Variants in PCCA observed in about 807,000 individuals in gnomAD.
PCCA encodes propionyl-CoA carboxylase alpha chain, mitochondrial.
In PCCA, 74 loss-of-function variants were observed where a neutral mutation model predicts 101.3. The ratio of observed to expected loss-of-function variants is 0.73; its 90% CI spans 0.61 to 0.89. PCCA has a LOEUF of 0.89. Among genes scored for constraint, PCCA ranks in the 40% least tolerant of loss-of-function variants. The probability of loss-of-function intolerance (pLI) is 0.00; values close to 1 mark genes in which losing one functional copy is unlikely to be tolerated. For missense variants in PCCA, 891 were observed against 907.0 expected (o/e 0.98, Z 0.23); for synonymous variants, 294 against 313.6 (o/e 0.94, Z 0.66).
At chr13:100,223,519 C>T (rs546104338) in intron 7 of PCCA, among the ~76,000 whole-genome samples, 5 of 152,170 alleles carry the variant, frequency 3.3e-5, no homozygotes, top group South Asian at 4.2e-4. Context: ...TCCAGACCTT[C>T]GCGGTGAGCG....
chr13:100,141,412 T>C (rs997450345), intron 4 of PCCA, among the ~76,000 whole-genome samples: 2 of 152,126 alleles, frequency 1.3e-5, no homozygotes, highest in Non-Finnish European at 2.9e-5. Context: ...TATTTATTTA[T>C]GTATTTATTT....
chr13:100,112,202 G>A (rs886080691), intron 4 of PCCA, 141 bp downstream of exon 4: 12 of 656,148 alleles, frequency 1.8e-5, no homozygotes, highest in Admixed American at 1.0e-4. Flanking sequence ...GTTGTGTTAA[G>A]CAAAACGACA....
intron 21 of PCCA, 67 bp downstream of exon 21, chr13:100,449,372 A>T: frequency 1.0e-6 from 1 of 953,162 alleles, no homozygotes; most frequent in East Asian, 2.7e-5. Flanking sequence ...GTTGTAGCTC[A>T]TGTGTTTGAA....
At chr13:100,500,685 C>G (rs568624064) in intron 21 of PCCA, among the ~76,000 whole-genome samples, 3 of 152,118 alleles carry the variant, frequency 2.0e-5, no homozygotes, top group Admixed American at 6.5e-5. Context: ...TTAACGAGTT[C>G]CTTTCCTAAT....
At chr13:100,107,743 A>C (rs943152193) in intron 2 of PCCA, among the ~76,000 whole-genome samples, 10 of 152,180 alleles carry the variant, frequency 6.6e-5, no homozygotes, top group African/African-American at 2.2e-4. Flanking sequence ...TATTATCAGA[A>C]CTGACTTCGT....
intron 21 of PCCA, among the ~76,000 whole-genome samples, chr13:100,458,836 T>G (rs2081982104): frequency 6.6e-6 from 1 of 152,180 alleles, no homozygotes; most frequent in South Asian, 2.1e-4. Context: ...ATCCGTTTTA[T>G]TACTCTGCCA....
chr13:100,266,389 T>A (rs1342710672), intron 10 of PCCA, among the ~76,000 whole-genome samples: 1 of 152,236 alleles, frequency 6.6e-6, no homozygotes, highest in African/African-American at 2.4e-5. Flanking sequence ...TTTTTAAACA[T>A]AAGTGAAAAT....
chr13:100,099,415 T>TCACGCCATTCTCCCGCCTC (rs2047072686), intron 1 of PCCA, among the ~76,000 whole-genome samples: 1 of 151,460 alleles, frequency 6.6e-6, no homozygotes, highest in African/African-American at 2.4e-5. Context: ...CCTCCCGGGT[T>TCACGCCATTCTCCCGCCTC]CACGCCATTC....
At chr13:100,406,432 C>T (rs186366134) in intron 19 of PCCA, among the ~76,000 whole-genome samples, 2 of 152,298 alleles carry the variant, frequency 1.3e-5, no homozygotes, top group Admixed American at 6.5e-5. Flanking sequence ...TGGCCGGGTG[C>T]GGCCGCTCAC....
Position 100,301,519 on chromosome 13 carries a change from T to G in PCCA, c.1125T>G (p.Arg375=). Residue 375 remains arginine (R), a synonymous_variant, in exon 13 of 24, where the codon CGT becomes CGG. Coordinates refer to ENST00000376285, the MANE Select transcript of PCCA (RefSeq NM_000282.4). ...TGLDLVQEMI[R]VAKGYPLRHK... is the part of the protein sequence containing the mutation. ...TGGACCTAGTCCAGGAAATGATCCG[T>G]GTTGCTAAGGGCTACCCTCTCAGGC... 1.2e-6 allele frequency: 2 copies of G among 1,614,102 alleles called. No homozygotes were observed. Among genetic ancestry groups the G allele is most frequent in the East Asian group, 4.5e-5 (2 of 44,874 alleles).
At chr13:100,291,327 A>G (rs1196646655) in intron 12 of PCCA, among the ~76,000 whole-genome samples, 1 of 152,236 alleles carries the variant, frequency 6.6e-6, no homozygotes, top group East Asian at 1.9e-4. Flanking sequence ...ACATGCAAAT[A>G]CCATGTTACT....
chr13:100,186,749 C>CA (rs113247072), intron 6 of PCCA, among the ~76,000 whole-genome samples: 1,307 of 106,238 alleles, frequency 0.012, 26 homozygotes, highest in African/African-American at 0.032. Context: ...AAAAAAAAAA[C>CA]AAAAAAAAAA....
chr13:100,156,646 G>A (rs1385444388), intron 5 of PCCA, among the ~76,000 whole-genome samples: 1 of 152,018 alleles, frequency 6.6e-6, no homozygotes, highest in East Asian at 1.9e-4. Context: ...GGAAAGAAGA[G>A]TAGACATTAG....
intron 16 of PCCA, among the ~76,000 whole-genome samples, chr13:100,324,670 C>T (rs1435607412): frequency 1.3e-5 from 2 of 152,116 alleles, no homozygotes; most frequent in African/African-American, 4.8e-5. Flanking sequence ...ACAGTAAAGA[C>T]GCAGCATGAA....
intron 12 of PCCA, among the ~76,000 whole-genome samples, chr13:100,273,547 T>C (rs976257424): frequency 2.6e-5 from 4 of 152,238 alleles, no homozygotes; most frequent in African/African-American, 7.2e-5. Flanking sequence ...CTCTGCTTTG[T>C]CACTGTTAAT....
intron 12 of PCCA, among the ~76,000 whole-genome samples, chr13:100,279,352 AGGGGGTATTTG>A (rs1477053362): frequency 2.0e-5 from 3 of 152,244 alleles, no homozygotes; most frequent in Non-Finnish European, 2.9e-5. Flanking sequence ...TCTGTGTGAT[AGGGGGTATTTG>A]ATGTGGAGGA....
intron 12 of PCCA, among the ~76,000 whole-genome samples, chr13:100,284,183 A>T (rs1392962198): frequency 6.6e-6 from 1 of 152,186 alleles, no homozygotes; most frequent in Non-Finnish European, 1.5e-5. Flanking sequence ...TATTTCTCCC[A>T]CCTCCTCAGT....
At chr13:100,497,876 C>CT (rs893856927) in intron 21 of PCCA, among the ~76,000 whole-genome samples, 29 of 150,766 alleles carry the variant, frequency 1.9e-4, no homozygotes, top group Middle Eastern at 3.4e-3. Context: ...TTTTACTTTT[C>CT]TTTTTTTTTA....
chr13:100,512,292 T>G (rs181138390), intron 21 of PCCA, among the ~76,000 whole-genome samples: 27 of 152,318 alleles, frequency 1.8e-4, no homozygotes, highest in Non-Finnish European at 3.8e-4. Context: ...AGACATGATT[T>G]CACACTGTAG....
Sources: gnomAD v4.1 joint callset for allele counts (sites outside exome capture counted in the v4.1 genomes callset) on GRCh38, gnomAD v4.1.1 for gene constraint, MANE v1.5 for transcripts, NCBI Gene and HGNC (gene_info 2026-07-23, HGNC 2026-07-21) for gene names.